NTN4: variants seen among roughly 807,000 people sequenced by gnomAD.
NTN4 encodes the protein netrin-4.
In NTN4, 32 loss-of-function variants were observed where a neutral mutation model predicts 73.6. The ratio of observed to expected loss-of-function variants is 0.44; its 90% CI spans 0.33 to 0.58. NTN4 has a LOEUF of 0.58. Among genes scored for constraint, NTN4 ranks in the 20% least tolerant of loss-of-function variants. The pLI, the probability that NTN4 is intolerant of heterozygous loss-of-function variation, is 0.04. For missense variants in NTN4, 654 were observed against 798.3 expected (o/e 0.82, Z 2.18); for synonymous variants, 258 against 287.5 (o/e 0.90, Z 1.04).
intron 2 of NTN4, among the ~76,000 whole-genome samples, chr12:95,748,953 AAGAAG>A (rs923870911): frequency 1.3e-5 from 2 of 152,090 alleles, no homozygotes; most frequent in East Asian, 1.9e-4. Flanking sequence ...AGAATCACAA[AAGAAG>A]AGAAAAGGCC....
chr12:95,724,316 T>G (rs1471316244), intron 3 of NTN4, among the ~76,000 whole-genome samples: 1 of 152,224 alleles, frequency 6.6e-6, no homozygotes, highest in Non-Finnish European at 1.5e-5. Flanking sequence ...CCATCATTAC[T>G]CCACTCTATA....
At chr12:95,791,147 C>A (rs2079207962), upstream of NTN4, 1 of 152,578 alleles carries the variant, frequency 6.6e-6, no homozygotes, top group African/African-American at 2.4e-5. This position sits in a 1 kb window ranked among gnomAD's most constrained non-coding sequence, Gnocchi z 4.0. Context: ...AGTAGACTCC[C>A]TCTAGATCAG....
chr12:95,707,821 ATC>A (rs2078531998), intron 5 of NTN4, among the ~76,000 whole-genome samples: 1 of 152,208 alleles, frequency 6.6e-6, no homozygotes, highest in African/African-American at 2.4e-5. Context: ...ATATAACTGT[ATC>A]TTTTTGAAAA....
intron 3 of NTN4, among the ~76,000 whole-genome samples, chr12:95,724,220 A>G (rs983365970): frequency 6.6e-6 from 1 of 152,242 alleles, no homozygotes; most frequent in African/African-American, 2.4e-5. Flanking sequence ...TGCAAATAGC[A>G]TTAGACTAAG....
chr12:95,726,174 C>T (rs2078692505), intron 3 of NTN4, among the ~76,000 whole-genome samples: 1 of 151,966 alleles, frequency 6.6e-6, no homozygotes, highest in African/African-American at 2.4e-5. Context: ...TCAGTGGTTT[C>T]AGTATATTCA....
At chr12:95,738,231 T>G in intron 2 of NTN4, 87 bp from the exon 3 acceptor site, 1 of 1,219,094 alleles carries the variant, frequency 8.2e-7, no homozygotes, top group Non-Finnish European at 1.2e-6. Flanking sequence ...GTTTGATTTA[T>G]GCCTTATGTC....
At chr12:95,753,167 T>C (rs1195443212) in intron 2 of NTN4, among the ~76,000 whole-genome samples, 2 of 152,294 alleles carry the variant, frequency 1.3e-5, no homozygotes, top group Non-Finnish European at 1.5e-5. Flanking sequence ...CCAGGCCTAA[T>C]TGCCACACAC....
chr12:95,721,139 C>A (rs940179957), intron 3 of NTN4, among the ~76,000 whole-genome samples: 1 of 152,192 alleles, frequency 6.6e-6, no homozygotes, highest in Non-Finnish European at 1.5e-5. Flanking sequence ...TTTGAGGGGT[C>A]CACTTTGGCC....
At chr12:95,731,682 C>T (rs182806858) in intron 3 of NTN4, among the ~76,000 whole-genome samples, 6 of 152,254 alleles carry the variant, frequency 3.9e-5, no homozygotes, top group Non-Finnish European at 8.8e-5. Context: ...CCAGCCTCAT[C>T]GCCCCTGCCC....
At position 95,790,187 on chromosome 12, in the gene NTN4, C is replaced by T; in HGVS notation, c.55+68G>A. 2 of 1,414,262 alleles carry T rather than the reference C, an allele frequency of 1.4e-6. No individual in the cohort carries two copies. The highest frequency in any genetic ancestry group is 3.0e-5 in the African/African-American group (2 of 67,562). The allele number at this position is 1,414,262 out of a possible 1,614,324, so 87.6% of individuals were successfully genotyped here. On this transcript the variant is annotated intron_variant, in intron 1 of 9. Transcript: ENST00000343702. The surrounding 1 kb of genome is among the most constrained non-coding windows in gnomAD (Gnocchi z 6.5). ...TCGCAGCCCTGGCTCCCCTGCACCCCCGAGTCCCGAGATGGGTTAGAGAAG... is the reference window on the plus strand; with the variant it reads ...TCGCAGCCCTGGCTCCCCTGCACCCTCGAGTCCCGAGATGGGTTAGAGAAG...
At chr12:95,741,473 A>ATATC (rs1565903732) in intron 2 of NTN4, among the ~76,000 whole-genome samples, 2 of 98,776 alleles carry the variant, frequency 2.0e-5, no homozygotes, top group East Asian at 3.1e-4. Context: ...ATATATATAT[A>ATATC]TCTCCTCCAT....
intron 1 of NTN4, among the ~76,000 whole-genome samples, chr12:95,788,680 G>A (rs969301766): frequency 3.3e-5 from 5 of 152,186 alleles, no homozygotes; most frequent in African/African-American, 1.2e-4. Flanking sequence ...CACTGACAAT[G>A]GCCAACCCCA....
chr12:95,772,233 T>C (rs987376118), intron 2 of NTN4, among the ~76,000 whole-genome samples: 1 of 152,116 alleles, frequency 6.6e-6, no homozygotes, highest in Non-Finnish European at 1.5e-5. Flanking sequence ...AGAGACAGGG[T>C]TTCGCCATGT....
intron 8 of NTN4, among the ~76,000 whole-genome samples, chr12:95,666,784 T>C (rs1481469196): frequency 6.6e-6 from 1 of 152,240 alleles, no homozygotes; most frequent in African/African-American, 2.4e-5. Context: ...TATAATATGA[T>C]TGACTACTTA....
rs1221820957 is a variant in NTN4 at position 95,661,842 on chromosome 12, GA to G, written c.1751-2621del. On this transcript the variant is annotated intron_variant, in intron 9 of 9. Coordinates refer to ENST00000343702, the MANE Select transcript of NTN4 (RefSeq NM_021229.4). ...AAGTCATAAAAAAGGAACTGTGCTA[GA>G]ATAAAAAAAGAGTTGAAGGACTGAA... Among the ~76,000 whole-genome samples, 11 of 29,578 alleles carry G rather than the reference GA, an allele frequency of 3.7e-4. No homozygotes were observed. The African/African-American group carries it at 4.1e-3, about 11-fold the overall frequency. 19.4% of individuals were successfully genotyped at this position (29,578 alleles called of 152,430 possible).
chr12:95,778,493 C>T (rs999694111), intron 2 of NTN4, among the ~76,000 whole-genome samples: 1 of 151,996 alleles, frequency 6.6e-6, no homozygotes, highest in African/African-American at 2.4e-5. Context: ...ACCACCGATC[C>T]CACAGAAATA....
At chr12:95,765,023 C>T (rs1290553743) in intron 2 of NTN4, among the ~76,000 whole-genome samples, 1 of 152,214 alleles carries the variant, frequency 6.6e-6, no homozygotes, top group East Asian at 1.9e-4. Flanking sequence ...AACCTCTTAA[C>T]AGAATCACTT....
At chr12:95,771,024 C>G (rs1462989230) in intron 2 of NTN4, among the ~76,000 whole-genome samples, 1 of 106,588 alleles carries the variant, frequency 9.4e-6, no homozygotes, top group Non-Finnish European at 2.2e-5. Flanking sequence ...GAGTCTCGCT[C>G]TGTCGCCCAG....
At chr12:95,683,344 G>A (rs1471559216) in intron 6 of NTN4, among the ~76,000 whole-genome samples, 154 bp downstream of exon 6, 1 of 152,204 alleles carries the variant, frequency 6.6e-6, no homozygotes, top group Non-Finnish European at 1.5e-5. Flanking sequence ...TTACAGGCGT[G>A]AGCCACCACG....
Sources: allele counts gnomAD v4.1 joint callset (sites outside exome capture counted in the v4.1 genomes callset), GRCh38; gene constraint gnomAD v4.1.1; non-coding constraint Gnocchi (gnomAD v3.1); transcripts MANE v1.5; gene names NCBI Gene and HGNC (gene_info 2026-07-23, HGNC 2026-07-21).